WIPF3: variants seen among roughly 807,000 people sequenced by gnomAD.
WIPF3 encodes the protein WAS/WASL-interacting protein family member 3.
In WIPF3, 33 loss-of-function variants were observed where a neutral mutation model predicts 38.9. The observed-to-expected ratio is 0.85, with a 90% confidence interval of 0.64 to 1.14. The LOEUF is 1.14. WIPF3 is among the 50% of genes most tolerant of loss of function. WIPF3 has a pLI of 0.00. For synonymous variants in WIPF3, 324 were observed against 269.3 expected (o/e 1.20, Z -1.99); for missense variants, 711 against 652.5 (o/e 1.09, Z -0.98).
intron 2 of WIPF3, among the ~76,000 whole-genome samples, chr7:29,866,700 G>C (rs1037771118): frequency 6.6e-6 from 1 of 152,172 alleles, no homozygotes; most frequent in African/African-American, 2.4e-5. Flanking sequence ...AGCCTTCTTC[G>C]GCGCTCCACT....
chr7:29,826,030 C>T (rs147639388), intron 1 of WIPF3, among the ~76,000 whole-genome samples: 1 of 152,220 alleles, frequency 6.6e-6, no homozygotes, highest in African/African-American at 2.4e-5. Flanking sequence ...ATTCCAAGTA[C>T]AGTAGCATTT....
chr7:29,829,847 G>T (rs1309140718), intron 1 of WIPF3, among the ~76,000 whole-genome samples: 1 of 152,184 alleles, frequency 6.6e-6, no homozygotes, highest in Admixed American at 6.5e-5. Flanking sequence ...ATGGTGCTTG[G>T]ATGTGTATTT....
At chr7:29,914,374 C>A in intron 8 of WIPF3, 119 bp from the exon 9 acceptor site, 1 of 768,860 alleles carries the variant, frequency 1.3e-6, no homozygotes, top group Non-Finnish European at 1.9e-6. Context: ...CCAAACTTGA[C>A]AGCCTTGCAT....
chr7:29,874,549 A>G (rs1785553640), intron 2 of WIPF3, among the ~76,000 whole-genome samples: 1 of 152,194 alleles, frequency 6.6e-6, no homozygotes, highest in Non-Finnish European at 1.5e-5. Flanking sequence ...CCAAAGATAC[A>G]TGGTATCCCC....
At chr7:29,827,928 C>T (rs552590091) in intron 1 of WIPF3, among the ~76,000 whole-genome samples, 79 of 152,146 alleles carry the variant, frequency 5.2e-4, no homozygotes, top group African/African-American at 1.6e-3. Flanking sequence ...CCTGAGTAGC[C>T]GGAACTACAG....
At chr7:29,906,095 A>G (rs1289634412) in intron 8 of WIPF3, 1 of 152,212 alleles carries the variant, frequency 6.6e-6, no homozygotes, top group Admixed American at 6.5e-5. Flanking sequence ...TAGAGTTACC[A>G]CATTATTAGA....
intron 4 of WIPF3, 131 bp from the exon 5 acceptor site, chr7:29,883,719 G>A: frequency 7.7e-7 from 1 of 1,302,116 alleles, no homozygotes; most frequent in South Asian, 1.9e-5. Context: ...CCTCTCAGTG[G>A]ACACGTGCAG....
At chr7:29,824,721 T>C (rs957570117) in intron 1 of WIPF3, among the ~76,000 whole-genome samples, 3 of 152,092 alleles carry the variant, frequency 2.0e-5, no homozygotes, top group Non-Finnish European at 4.4e-5. Context: ...TGGACGCTGA[T>C]AGGTGACACC....
intron 2 of WIPF3, among the ~76,000 whole-genome samples, chr7:29,846,810 A>G (rs992950208): frequency 1.3e-5 from 2 of 152,250 alleles, no homozygotes; most frequent in Non-Finnish European, 2.9e-5. Context: ...CTGCTTCAGT[A>G]GGGATCATGT....
At chr7:29,810,374 G>T (rs144015786) in intron 1 of WIPF3, among the ~76,000 whole-genome samples, 1 of 152,160 alleles carries the variant, frequency 6.6e-6, no homozygotes, top group African/African-American at 2.4e-5. Context: ...TCCATTCCCA[G>T]CATAGCACCT....
At chr7:29,817,557 T>C (rs1315847680) in intron 1 of WIPF3, among the ~76,000 whole-genome samples, 2 of 152,134 alleles carry the variant, frequency 1.3e-5, no homozygotes, top group Non-Finnish European at 2.9e-5. Flanking sequence ...TTAATTTTTT[T>C]CCAGATTACT....
chr7:29,836,190 G>A (rs1365860696), intron 2 of WIPF3, among the ~76,000 whole-genome samples: 1 of 152,216 alleles, frequency 6.6e-6, no homozygotes, highest in East Asian at 1.9e-4. Flanking sequence ...TTGACCCAAA[G>A]TCAAATTCAA....
At chr7:29,837,904 T>G (rs750812421) in intron 2 of WIPF3, among the ~76,000 whole-genome samples, 2 of 151,084 alleles carry the variant, frequency 1.3e-5, no homozygotes, top group African/African-American at 2.4e-5. Context: ...TTTTATTTAT[T>G]TATTTATTTA....
chr7:29,858,454 C>T (rs977395293), intron 2 of WIPF3, among the ~76,000 whole-genome samples: 17 of 152,194 alleles, frequency 1.1e-4, no homozygotes, highest in African/African-American at 4.1e-4. Context: ...TTACATATAG[C>T]CTCAATCAGC....
intron 1 of WIPF3, among the ~76,000 whole-genome samples, chr7:29,818,255 C>A (rs1396068970): frequency 2.6e-5 from 4 of 151,944 alleles, no homozygotes; most frequent in Non-Finnish European, 2.9e-5. Flanking sequence ...GAGTTCAAGA[C>A]CAGCCTGGTC....
intron 2 of WIPF3, among the ~76,000 whole-genome samples, chr7:29,848,552 T>C (rs1785040200): frequency 6.6e-6 from 1 of 152,200 alleles, no homozygotes; most frequent in African/African-American, 2.4e-5. Context: ...TGGGTTGGTC[T>C]TTCTCTACCT....
chr7:29,860,244 A>G (rs1785251889), intron 2 of WIPF3, among the ~76,000 whole-genome samples: 1 of 152,172 alleles, frequency 6.6e-6, no homozygotes, highest in Non-Finnish European at 1.5e-5. Context: ...ACTTCCACCT[A>G]TACACCTACT....
chr7:29,888,008 G>T, intron 5 of WIPF3, 60 bp from the exon 6 acceptor site: 2 of 1,603,442 alleles, frequency 1.2e-6, no homozygotes, highest in Non-Finnish European at 1.7e-6. Flanking sequence ...TCTCACATAA[G>T]GTTATAGCAT....
intron 2 of WIPF3, among the ~76,000 whole-genome samples, chr7:29,860,887 G>C (rs1397215236): frequency 6.6e-6 from 1 of 152,130 alleles, no homozygotes; most frequent in Non-Finnish European, 1.5e-5. Flanking sequence ...TATCACAATA[G>C]GAGTAAGAGA....
Sources: allele counts gnomAD v4.1 joint callset (sites outside exome capture counted in the v4.1 genomes callset), GRCh38; gene constraint gnomAD v4.1.1; transcripts MANE v1.5; gene names NCBI Gene and HGNC (gene_info 2026-07-23, HGNC 2026-07-21).